Variants in KAT6B observed in about 807,000 individuals in gnomAD.
KAT6B encodes the protein lysine acetyltransferase 6B.
In KAT6B, 10 loss-of-function variants were observed where a neutral mutation model predicts 187.5. The ratio of observed to expected loss-of-function variants is 0.05; its 90% CI spans 0.03 to 0.09. The LOEUF (loss-of-function observed/expected upper bound fraction) is 0.09, where lower values mean the gene tolerates loss of function less well. Ranked by LOEUF, KAT6B falls within the 10% of genes least tolerant of loss-of-function variation. The pLI is 1.00. For missense variants in KAT6B, 1,952 were observed against 2,558.9 expected (o/e 0.76, Z 5.12); for synonymous variants, 861 against 926.8 (o/e 0.93, Z 1.29).
At chr10:75,015,197 A>G (rs182139755) in intron 13 of KAT6B, among the ~76,000 whole-genome samples, 103 of 152,318 alleles carry the variant, frequency 6.8e-4, no homozygotes, top group African/African-American at 2.4e-3. Context: ...TTATATAATT[A>G]TGTCATGCCC....
At chr10:74,847,902 T>TTTTTTC (rs1304536680) in intron 3 of KAT6B, among the ~76,000 whole-genome samples, 3 of 151,222 alleles carry the variant, frequency 2.0e-5, no homozygotes, top group Non-Finnish European at 4.4e-5. Context: ...GTTTTTCTTT[T>TTTTTTC]TTTTTCTTTT....
intron 3 of KAT6B, among the ~76,000 whole-genome samples, chr10:74,955,473 T>C (rs1249374256): frequency 6.9e-6 from 1 of 145,626 alleles, no homozygotes; most frequent in Non-Finnish European, 1.5e-5. Context: ...CATAGAATAA[T>C]GTAATGAACA....
chr10:74,938,266 C>T (rs1026461149), intron 3 of KAT6B, among the ~76,000 whole-genome samples: 3 of 152,154 alleles, frequency 2.0e-5, no homozygotes, highest in Admixed American at 6.5e-5. Context: ...TCAGAATCTG[C>T]ATTTTAACAG....
At chr10:74,861,346 C>T (rs2132291310) in intron 3 of KAT6B, among the ~76,000 whole-genome samples, 1 of 152,272 alleles carries the variant, frequency 6.6e-6, no homozygotes, top group East Asian at 1.9e-4. Context: ...AGCTGTTATT[C>T]CTTTTCAAAC....
intron 3 of KAT6B, among the ~76,000 whole-genome samples, chr10:74,895,892 G>A (rs1265527078): frequency 6.6e-6 from 1 of 151,956 alleles, no homozygotes; most frequent in Non-Finnish European, 1.5e-5. Context: ...TATGTCCAAA[G>A]ATTCCCTAAA....
chr10:74,872,541 A>G (rs1844071468), intron 3 of KAT6B, among the ~76,000 whole-genome samples: 1 of 151,998 alleles, frequency 6.6e-6, no homozygotes, highest in Non-Finnish European at 1.5e-5. Flanking sequence ...ATGGCTGGCA[A>G]AGTTTTAAAG....
intron 3 of KAT6B, among the ~76,000 whole-genome samples, chr10:74,857,736 G>A (rs545348491): frequency 1.3e-5 from 2 of 152,274 alleles, no homozygotes; most frequent in South Asian, 2.1e-4. Flanking sequence ...AAAGGAAAGA[G>A]GGCCAGGTGC....
At chr10:75,016,859 CTTTTTTTTTTTTT>C (rs11323524) in intron 13 of KAT6B, among the ~76,000 whole-genome samples, 2 of 68,750 alleles carry the variant, frequency 2.9e-5, no homozygotes, top group African/African-American at 5.5e-5. Context: ...AAGATAAGTG[CTTTTTTTTTTTTT>C]TTTTTTTTGA....
chr10:74,886,475 T>C (rs1043467326), intron 3 of KAT6B, among the ~76,000 whole-genome samples: 3 of 152,162 alleles, frequency 2.0e-5, no homozygotes, highest in African/African-American at 7.2e-5. Flanking sequence ...TATATAAATA[T>C]TCCTTTAAAC....
intron 13 of KAT6B, among the ~76,000 whole-genome samples, chr10:74,998,388 G>T (rs774175017): frequency 6.6e-6 from 1 of 150,934 alleles, no homozygotes; most frequent in Non-Finnish European, 1.5e-5. Flanking sequence ...TTCTCTTTTT[G>T]CCTCCCTCCC....
intron 3 of KAT6B, among the ~76,000 whole-genome samples, chr10:74,958,588 T>C (rs1242017516): frequency 6.6e-6 from 1 of 152,224 alleles, no homozygotes; most frequent in African/African-American, 2.4e-5. Context: ...CACTGTCAGC[T>C]ATTCCTATGG....
upstream of KAT6B, among the ~76,000 whole-genome samples, chr10:74,825,399 G>A (rs1442063564): frequency 6.7e-6 from 1 of 150,314 alleles, no homozygotes; most frequent in Non-Finnish European, 1.5e-5. This position sits in a 1 kb window ranked among gnomAD's most constrained non-coding sequence, Gnocchi z 5.0. Flanking sequence ...CGGGGTCCGG[G>A]CTGCGCCCCC....
In KAT6B at chr10:74,991,613, TGCTGA is replaced by T. The variant is rs1843126905; in HGVS notation, c.2629+2503_2629+2507del. Among the ~76,000 whole-genome samples the T allele has an allele frequency of 2.6e-5, 4 of 152,338 alleles. No individual in the cohort carries two copies. The South Asian group carries it at 8.3e-4, about 32-fold the overall frequency. ...ACCAGGATGTGAGCAGGCAAAGTAGTGCTGAGGGTGTGGTTTTTTTCTTTTCTCTT... is the reference window on the plus strand; with the variant it reads ...ACCAGGATGTGAGCAGGCAAAGTAGTGGGTGTGGTTTTTTTCTTTTCTCTT... On this transcript the variant is annotated intron_variant, in intron 13 of 17. Transcript: ENST00000287239.
intron 3 of KAT6B, among the ~76,000 whole-genome samples, chr10:74,921,711 T>C (rs1848149461): frequency 1.3e-5 from 2 of 152,356 alleles, no homozygotes; most frequent in South Asian, 4.1e-4. Context: ...TCCTGCTTAC[T>C]ATTGGTTTTT....
chr10:75,002,350 T>C (rs1843897233), intron 13 of KAT6B, among the ~76,000 whole-genome samples: 2 of 150,474 alleles, frequency 1.3e-5, no homozygotes, highest in African/African-American at 4.9e-5. Context: ...TAGTTTTCTC[T>C]CTCTCTCTCT....
chr10:74,959,677 A>G (rs1250100452), intron 3 of KAT6B, among the ~76,000 whole-genome samples: 2 of 152,098 alleles, frequency 1.3e-5, no homozygotes, highest in African/African-American at 2.4e-5. Flanking sequence ...GTAATCCCAG[A>G]TACTCGGGAG....
intron 13 of KAT6B, among the ~76,000 whole-genome samples, chr10:74,992,860 A>G (rs1264441620): frequency 6.6e-6 from 1 of 152,162 alleles, no homozygotes; most frequent in African/African-American, 2.4e-5. Flanking sequence ...CCAACTCCCA[A>G]TCTGGTTATA....
At chr10:74,864,243 A>G (rs2132322201) in intron 3 of KAT6B, among the ~76,000 whole-genome samples, 1 of 148,946 alleles carries the variant, frequency 6.7e-6, no homozygotes, top group Non-Finnish European at 1.5e-5. Flanking sequence ...TAATTTTTGT[A>G]TTTTTTGTAT....
At chr10:74,845,639 G>C (rs939365103) in intron 3 of KAT6B, among the ~76,000 whole-genome samples, 4 of 151,504 alleles carry the variant, frequency 2.6e-5, no homozygotes, top group Non-Finnish European at 4.4e-5. Flanking sequence ...TGGGAATACA[G>C]GTGTATGCCA....
Sources: gnomAD v4.1 joint callset for allele counts (sites outside exome capture counted in the v4.1 genomes callset) on GRCh38, gnomAD v4.1.1 for gene constraint, Gnocchi (gnomAD v3.1) non-coding constraint, MANE v1.5 for transcripts, NCBI Gene and HGNC (gene_info 2026-07-23, HGNC 2026-07-21) for gene names.